Variants in CHLSN observed in about 807,000 individuals in gnomAD.
CHLSN encodes the protein cholesin.
chr7:1,111,559 G>C, the CHLSN span, among the ~76,000 whole-genome samples: 139 of 152,368 alleles, frequency 9.1e-4, no homozygotes, highest in African/African-American at 3.1e-3. Context: ...CAGCACTCTG[G>C]GAGGCCAAGG....
At chr7:1,005,795 G>T in the CHLSN span, among the ~76,000 whole-genome samples, 1 of 152,174 alleles carries the variant, frequency 6.6e-6, no homozygotes, top group Admixed American at 6.5e-5. Flanking sequence ...CAGGTGAGTG[G>T]GGGACCCCGT....
At chr7:1,046,689 C>G in the CHLSN span, among the ~76,000 whole-genome samples, 2 of 151,896 alleles carry the variant, frequency 1.3e-5, no homozygotes, top group South Asian at 2.1e-4. Flanking sequence ...CAAAATACCC[C>G]CTTGAGCAGC....
At chr7:1,016,992 GCGCACAGGAGCACACAGC>G in the CHLSN span, among the ~76,000 whole-genome samples, 1 of 146,088 alleles carries the variant, frequency 6.8e-6, no homozygotes. Context: ...GCGCACAGCA[GCGCACAGGAGCACACAGC>G]AGCACACAGC....
the CHLSN span, among the ~76,000 whole-genome samples, chr7:1,036,371 C>T: frequency 1.3e-3 from 189 of 148,250 alleles, no homozygotes; most frequent in African/African-American, 4.6e-3. Context: ...GTGGTGTGGC[C>T]GTGCAGGGCT....
the CHLSN span, among the ~76,000 whole-genome samples, chr7:1,014,066 T>C: frequency 6.6e-6 from 1 of 152,078 alleles, no homozygotes; most frequent in Admixed American, 6.5e-5. Flanking sequence ...ACATGGACAC[T>C]TCCACAGGCT....
At chr7:1,000,141 G>GAAC in the CHLSN span, among the ~76,000 whole-genome samples, 2 of 152,220 alleles carry the variant, frequency 1.3e-5, no homozygotes, top group Admixed American at 1.3e-4. Flanking sequence ...TCATCTCTTA[G>GAAC]AACAAAGGCA....
At chr7:1,031,373 A>G in the CHLSN span, among the ~76,000 whole-genome samples, 81 of 148,234 alleles carry the variant, frequency 5.5e-4, 1 homozygote, top group Non-Finnish European at 7.7e-4. Context: ...AGAGACCTGC[A>G]GGGAGGGCAG....
chr7:1,016,041 T>TCACGCCAGCACACAGCAGCA, the CHLSN span, among the ~76,000 whole-genome samples: 1 of 134,154 alleles, frequency 7.5e-6, no homozygotes, highest in Non-Finnish European at 1.6e-5. Flanking sequence ...CCCTCCGGTG[T>TCACGCCAGCACACAGCAGCA]CACGCCAGCA....
chr7:1,082,676 G>A, the CHLSN span, among the ~76,000 whole-genome samples: 3 of 152,304 alleles, frequency 2.0e-5, no homozygotes, highest in South Asian at 4.1e-4. Flanking sequence ...CACAGCCCCT[G>A]GGGGGCAGGG....
the CHLSN span, among the ~76,000 whole-genome samples, chr7:1,027,624 A>G: frequency 6.6e-6 from 1 of 152,202 alleles, no homozygotes; most frequent in Admixed American, 6.5e-5. Flanking sequence ...AAGCTATCCC[A>G]ATTGTTTTCA....
chr7:1,127,256 C>T, the CHLSN span: 1 of 1,596,240 alleles, frequency 6.3e-7, no homozygotes, highest in Non-Finnish European at 8.5e-7. Flanking sequence ...GGCGGCCTTA[C>T]CTTGGAGCCG....
At chr7:1,075,681 C>T in the CHLSN span, among the ~76,000 whole-genome samples, 1 of 149,226 alleles carries the variant, frequency 6.7e-6, no homozygotes. Context: ...GGCGCAATCT[C>T]AGCTCACTGC....
At chr7:1,001,234 A>G in the CHLSN span, among the ~76,000 whole-genome samples, 80 of 152,348 alleles carry the variant, frequency 5.3e-4, no homozygotes, top group African/African-American at 1.9e-3. Context: ...TCAGTGTGCA[A>G]GCCCAGGTCT....
the CHLSN span, among the ~76,000 whole-genome samples, chr7:1,052,954 G>A: frequency 2.0e-5 from 3 of 152,010 alleles, no homozygotes; most frequent in African/African-American, 7.3e-5. The surrounding 1 kb of genome is among the most constrained non-coding windows in gnomAD (Gnocchi z 4.2). Context: ...GGCTCATCTG[G>A]GCTTTCTCTC....
the CHLSN span, among the ~76,000 whole-genome samples, chr7:1,133,086 G>C: frequency 6.2e-4 from 94 of 152,198 alleles, 1 homozygote; most frequent in Non-Finnish European, 5.9e-5. Context: ...ATTCACACAG[G>C]GGATACTATT....
At chr7:1,037,044 G>A in the CHLSN span, among the ~76,000 whole-genome samples, 1 of 147,150 alleles carries the variant, frequency 6.8e-6, no homozygotes, top group Admixed American at 6.8e-5. Context: ...CTGGGAGGCG[G>A]AGGCTGCAGT....
chr7:1,065,019 G>A, the CHLSN span, among the ~76,000 whole-genome samples: 7 of 151,968 alleles, frequency 4.6e-5, no homozygotes, highest in East Asian at 3.9e-4. Flanking sequence ...ATCACAGGAC[G>A]CTTTCTGCAG....
chr7:999,924 T>A, the CHLSN span, among the ~76,000 whole-genome samples: 1 of 152,178 alleles, frequency 6.6e-6, no homozygotes, highest in African/African-American at 2.4e-5. Context: ...AAACTCTATC[T>A]CACATCCTGC....
At chr7:1,066,073 C>T in the CHLSN span, among the ~76,000 whole-genome samples, 1 of 152,192 alleles carries the variant, frequency 6.6e-6, no homozygotes, top group African/African-American at 2.4e-5. Flanking sequence ...GGCATGGGGC[C>T]GACACGACTC....
Sources: gnomAD v4.1 joint callset for allele counts (sites outside exome capture counted in the v4.1 genomes callset) on GRCh38, gnomAD v4.1.1 for gene constraint, Gnocchi (gnomAD v3.1) non-coding constraint, MANE v1.5 for transcripts, NCBI Gene and HGNC (gene_info 2026-07-23, HGNC 2026-07-21) for gene names.